SYN2: variants seen among roughly 807,000 people sequenced by gnomAD.
SYN2 encodes synapsin-2.
A neutral mutation model predicts 50.9 loss-of-function variants in SYN2; 19 were observed. The ratio of observed to expected loss-of-function variants is 0.37; its 90% CI spans 0.26 to 0.55. SYN2 has a LOEUF of 0.55. SYN2 is among the 20% of genes least tolerant of loss of function. The pLI is 0.81. For missense variants in SYN2, 587 were observed against 576.4 expected, an observed-to-expected ratio of 1.02 and a Z score of -0.19; for synonymous variants, 255 against 224.9, an observed-to-expected ratio of 1.13 and a Z score of -1.20.
At chr3:12,149,994 A>G (rs560944844) in intron 4 of SYN2, among the ~76,000 whole-genome samples, 2 of 152,340 alleles carry the variant, frequency 1.3e-5, no homozygotes, top group African/African-American at 2.4e-5. Flanking sequence ...AAGGACACCT[A>G]GGAAGTTAAC....
At chr3:12,157,818 T>G (rs1243448508) in intron 5 of SYN2, among the ~76,000 whole-genome samples, 3 of 152,130 alleles carry the variant, frequency 2.0e-5, no homozygotes, top group Non-Finnish European at 4.4e-5. Flanking sequence ...GAGGAGCCCC[T>G]TCAGGGCAGT....
chr3:12,037,534 A>G (rs1214959339), intron 1 of SYN2, among the ~76,000 whole-genome samples: 1 of 152,210 alleles, frequency 6.6e-6, no homozygotes, highest in Admixed American at 6.5e-5. Flanking sequence ...ACATGGAGTA[A>G]AACATCACAT....
chr3:12,008,166 C>T (rs1693837483), intron 1 of SYN2, among the ~76,000 whole-genome samples: 1 of 152,156 alleles, frequency 6.6e-6, no homozygotes, highest in Admixed American at 6.5e-5. Flanking sequence ...TACGTTTTCT[C>T]TCAGATTCTG....
chr3:12,187,498 G>C lies in SYN2; in HGVS notation c.1499G>C (p.Arg500Pro). The change falls in exon 12 of 13, where the codon CGG becomes CCG. Residue 500 changes from arginine to proline, a missense_variant. By Grantham distance (103) the Arg-to-Pro change is moderately radical. Transcript: ENST00000621198. ...TCTTCCTCCTCCTCGGCTCCTCAGC[G>C]GCCGGGCGGCCCCACCACCCACGGA... ...SSSSSSSAPQ[R>P]PGGPTTHGDA... 4 of 1,553,048 alleles carry C rather than the reference G, an allele frequency of 2.6e-6. No homozygotes were observed. Among genetic ancestry groups the C allele is most frequent in the Non-Finnish European group, 3.5e-6 (4 of 1,147,532 alleles).
intron 1 of SYN2, among the ~76,000 whole-genome samples, chr3:12,039,518 A>G (rs981327366): frequency 2.1e-5 from 3 of 142,076 alleles, no homozygotes; most frequent in Admixed American, 7.0e-5. Flanking sequence ...TGATGTTCCT[A>G]TCCTGCAGAT....
intron 10 of SYN2, among the ~76,000 whole-genome samples, chr3:12,182,779 A>G (rs1038055235): frequency 6.6e-6 from 1 of 152,236 alleles, no homozygotes; most frequent in Non-Finnish European, 1.5e-5. Flanking sequence ...GAAGTGAGCC[A>G]AGCCTAGGCT....
chr3:12,144,157 C>T (rs979164697), intron 3 of SYN2, among the ~76,000 whole-genome samples: 1 of 152,264 alleles, frequency 6.6e-6, no homozygotes, highest in Admixed American at 6.5e-5. Flanking sequence ...AAACAGGGGC[C>T]GTGGTCCTCT....
At chr3:12,165,033 C>CTGGAA (rs1697748919) in intron 7 of SYN2, among the ~76,000 whole-genome samples, 1 of 131,890 alleles carries the variant, frequency 7.6e-6, no homozygotes, top group Admixed American at 9.4e-5. Flanking sequence ...TGCCACCAGG[C>CTGGAA]TGGAATGCAG....
chr3:12,090,588 T>C (rs1222394651), intron 1 of SYN2, among the ~76,000 whole-genome samples: 2 of 152,178 alleles, frequency 1.3e-5, no homozygotes, highest in Non-Finnish European at 2.9e-5. Flanking sequence ...CTTTCAACTT[T>C]TAGTAACTGA....
intron 1 of SYN2, among the ~76,000 whole-genome samples, chr3:12,125,236 G>A (rs891606832): frequency 1.8e-4 from 27 of 151,848 alleles, no homozygotes; most frequent in African/African-American, 5.8e-4. Context: ...TCCTGACCTC[G>A]TGATCCACCC....
chr3:12,013,348 G>A (rs961099074), intron 1 of SYN2, among the ~76,000 whole-genome samples: 1 of 152,004 alleles, frequency 6.6e-6, no homozygotes, highest in African/African-American at 2.4e-5. Flanking sequence ...CTCATTAAAT[G>A]TAGATGTTCC....
chr3:12,096,331 A>C (rs1398551090), intron 1 of SYN2, among the ~76,000 whole-genome samples: 1 of 152,190 alleles, frequency 6.6e-6, no homozygotes, highest in African/African-American at 2.4e-5. Flanking sequence ...GCATTTTCAC[A>C]TTAAAAGACA....
Position 12,004,540 on chromosome 3 carries a change from C to T in SYN2, c.-12C>T, listed in dbSNP as rs749184709. On this transcript the variant is annotated 5_prime_UTR_variant, in exon 1 of 13. Coordinates refer to ENST00000621198, the MANE Select transcript of SYN2 (RefSeq NM_133625.6). ...CCCCGTAGCCCCGCGCGCCCCCAGC[C>T]CTTTAAGCCAGATGATGAACTTCCT... 2 of 636,616 alleles carry T rather than the reference C, an allele frequency of 3.1e-6. No homozygotes were observed. The highest frequency in any genetic ancestry group is 2.3e-5 in the Admixed American group (1 of 43,768). The allele number at this position is 636,616 out of a possible 1,614,324, so 39.4% of individuals were successfully genotyped here. A position where few individuals can be genotyped will look rare whatever the true frequency, so the allele number is the denominator to read the frequency against.
chr3:12,162,130 T>C lies in SYN2; in HGVS notation c.956T>C (p.Ile319Thr). The change falls in exon 7 of 13, where the codon ATT (isoleucine) becomes ACT (threonine). Residue 319 changes from isoleucine to threonine, a missense_variant. Ile to Thr is a moderately conservative substitution (Grantham distance 89). Transcript: ENST00000621198. The part of the protein sequence containing the change: ...DSKYDIRVQK[I>T]GNNYKAYMRT... ...AAGTATGACATCCGGGTCCAGAAGA[T>C]TGGCAACAACTACAAGGCTTACATG... The C allele has an allele frequency of 6.2e-7, 1 of 1,614,136 alleles. No homozygotes were observed. Among genetic ancestry groups the C allele is most frequent in the Non-Finnish European group, 8.5e-7 (1 of 1,180,006 alleles).
At chr3:12,075,428 C>A (rs920169206) in intron 1 of SYN2, among the ~76,000 whole-genome samples, 1 of 152,110 alleles carries the variant, frequency 6.6e-6, no homozygotes, top group Non-Finnish European at 1.5e-5. Flanking sequence ...ACTTTGAGTA[C>A]AATTGATATG....
intron 5 of SYN2, among the ~76,000 whole-genome samples, chr3:12,161,320 A>G (rs1374690480): frequency 6.6e-6 from 1 of 152,208 alleles, no homozygotes; most frequent in Non-Finnish European, 1.5e-5. Flanking sequence ...TGTAGGGTAT[A>G]CCAAATAAGA....
intron 1 of SYN2, among the ~76,000 whole-genome samples, chr3:12,099,055 A>G (rs1347353772): frequency 1.3e-5 from 2 of 152,074 alleles, no homozygotes; most frequent in Non-Finnish European, 2.9e-5. Flanking sequence ...ACAGAGCTTC[A>G]ACATACATGA....
intron 1 of SYN2, among the ~76,000 whole-genome samples, chr3:12,050,579 C>T (rs907438945): frequency 4.0e-5 from 6 of 150,710 alleles, no homozygotes; most frequent in African/African-American, 7.3e-5. Context: ...CTCCTGACCT[C>T]GTGATCTGTC....
intron 1 of SYN2, among the ~76,000 whole-genome samples, chr3:12,026,048 C>T (rs1023173881): frequency 7.2e-5 from 11 of 152,066 alleles, no homozygotes; most frequent in African/African-American, 2.7e-4. Context: ...TGTTGTATGA[C>T]CTTGAATACC....
Sources: gnomAD v4.1 joint callset for allele counts (sites outside exome capture counted in the v4.1 genomes callset) on GRCh38, gnomAD v4.1.1 for gene constraint, MANE v1.5 for transcripts, NCBI Gene and HGNC (gene_info 2026-07-23, HGNC 2026-07-21) for gene names.